IGLON5: variants seen among roughly 807,000 people sequenced by gnomAD.
IGLON5 encodes Ig-like domain-containing protein ENSP00000270642.
Under a neutral mutation model 38.2 loss-of-function variants are expected in IGLON5, and 16 were observed. The observed-to-expected ratio is 0.42, with a 90% CI of 0.28 to 0.64. The LOEUF is 0.64. IGLON5 is among the 30% of genes least tolerant of loss of function. IGLON5 has a pLI of 0.23. For missense variants in IGLON5, 366 were observed against 483.4 expected (o/e 0.76, Z 2.28); for synonymous variants, 207 against 216.4 (o/e 0.96, Z 0.38).
chr19:51,327,233 G>T lies in IGLON5; in HGVS notation c.767+33G>T, dbSNP rs748681590. On this transcript the variant is annotated intron_variant, in intron 6 of 7. Coordinates refer to ENST00000270642, the MANE Select transcript of IGLON5 (RefSeq NM_001101372.3). This position sits in a 1 kb window ranked among gnomAD's most constrained non-coding sequence, Gnocchi z 7.1. ...CAGCACTGAGGGGGCCGTGGGAGCG[G>T]GAAGGGGAGGTCTTTAGTCCCTTCG... 5.6e-6 allele frequency: 9 copies of T among 1,593,292 alleles called. No homozygotes were observed. The Admixed American group carries it at 6.8e-5, about 12-fold the overall frequency.
intron 1 of IGLON5, among the ~76,000 whole-genome samples, chr19:51,312,681 G>A (rs1455411672): frequency 6.6e-6 from 1 of 152,052 alleles, no homozygotes; most frequent in Admixed American, 6.5e-5. Flanking sequence ...GACAGTGGAA[G>A]AGCGATGGGC....
Position 51,328,798 on chromosome 19 carries a change from C to T in IGLON5, c.*39C>T. 1 of 1,442,984 alleles carries T rather than the reference C, an allele frequency of 6.9e-7. No individual in the cohort carries two copies. Among genetic ancestry groups the T allele is most frequent in the Non-Finnish European group, 9.5e-7 (1 of 1,057,884 alleles). The allele number at this position is 1,442,984 out of a possible 1,614,324, so 89.4% of individuals were successfully genotyped here. A position where few individuals can be genotyped will look rare whatever the true frequency, so the allele number is the denominator to read the frequency against. On this transcript the variant is annotated 3_prime_UTR_variant, in exon 8 of 8. Transcript: ENST00000270642. ...GAGCTCACCTCCCCCTGCAGGGGGC[C>T]TCAGGCCAAGAGTGAGAGAAACGGG...
chr19:51,318,273 A>G (rs958750287), intron 1 of IGLON5, among the ~76,000 whole-genome samples: 2 of 152,212 alleles, frequency 1.3e-5, no homozygotes, highest in Non-Finnish European at 2.9e-5. Context: ...GGCCAGGCCC[A>G]GTGTTGGGAG....
Position 51,324,960 on chromosome 19 carries a change from AAATAAT to A in IGLON5, c.392-380_392-375del, listed in dbSNP as rs938177009. Among the ~76,000 whole-genome samples the A allele has an allele frequency of 6.6e-6, 1 of 152,044 alleles. No homozygotes were observed. ...GGTATTTGTTAAATAAATTTATTTA[AAATAAT>A]AATAAATACAAATAGAGACGGGGAG... On this transcript the variant is annotated intron_variant, in intron 3 of 7. Coordinates refer to ENST00000270642, the MANE Select transcript of IGLON5 (RefSeq NM_001101372.3). The surrounding 1 kb of genome is among the most constrained non-coding windows in gnomAD (Gnocchi z 4.2).
At chr19:51,328,385 A>C (rs1485888191) in intron 7 of IGLON5, among the ~76,000 whole-genome samples, 1 of 151,022 alleles carries the variant, frequency 6.6e-6, no homozygotes, top group Non-Finnish European at 1.5e-5. Context: ...AGTGATGGGC[A>C]CCTGTGGTCC....
In IGLON5 at chr19:51,330,416, T is replaced by C. The variant is rs933018209; in HGVS notation, c.*1657T>C. 3 of 152,230 alleles carry C rather than the reference T, an allele frequency of 2.0e-5. No homozygotes were observed. In the East Asian group the frequency reaches 5.8e-4, roughly 29 times the overall value. 9.4% of individuals were successfully genotyped at this position (152,230 alleles called of 1,614,324 possible). ...GTTAATGAAGGGCAAAGGGTAGCAG[T>C]CAATTGGTGGTGCCTCTCCAGCATC... On this transcript the variant is annotated 3_prime_UTR_variant, in exon 8 of 8. Coordinates refer to ENST00000270642, the MANE Select transcript of IGLON5 (RefSeq NM_001101372.3).
At chr19:51,323,025 GTC>G (rs1288353103) in intron 2 of IGLON5, among the ~76,000 whole-genome samples, 2 of 145,434 alleles carry the variant, frequency 1.4e-5, no homozygotes, top group East Asian at 2.1e-4. Flanking sequence ...CTGTCTCTGG[GTC>G]TCTGTCCCCC....
intron 1 of IGLON5, among the ~76,000 whole-genome samples, chr19:51,315,435 C>G (rs575876611): frequency 6.6e-6 from 1 of 152,300 alleles, no homozygotes; most frequent in South Asian, 2.1e-4. Flanking sequence ...ATTCTAGACA[C>G]TGGATATATA....
rs1317535899 is a variant in IGLON5, at chr19:51,325,074, A to G, written c.392-272A>G. ...GAGACAAGACCAGCAATTAGACAAG[A>G]AGATGCCAGGCCCAGACAGAGGTTT... On this transcript the variant is annotated intron_variant, in intron 3 of 7. Coordinates refer to ENST00000270642, the MANE Select transcript of IGLON5 (RefSeq NM_001101372.3). This position sits in a 1 kb window ranked among gnomAD's most constrained non-coding sequence, Gnocchi z 5.5. 6.6e-6 allele frequency among the ~76,000 whole-genome samples: 1 copy of G among 152,122 alleles called. No individual in the cohort carries two copies. The highest frequency in any genetic ancestry group is 2.4e-5 in the African/African-American group (1 of 41,416).
intron 1 of IGLON5, among the ~76,000 whole-genome samples, chr19:51,320,207 C>A (rs1301250966): frequency 6.6e-6 from 1 of 152,156 alleles, no homozygotes; most frequent in African/African-American, 2.4e-5. Flanking sequence ...TGAGGGGGCC[C>A]AGGGTGAGGG....
At chr19:51,316,626 T>G (rs1984933497) in intron 1 of IGLON5, among the ~76,000 whole-genome samples, 1 of 151,672 alleles carries the variant, frequency 6.6e-6, no homozygotes, top group Non-Finnish European at 1.5e-5. Flanking sequence ...CCCAAGTAGC[T>G]GGGACTACAA....
chr19:51,321,229 G>A (rs1321750979), intron 1 of IGLON5, among the ~76,000 whole-genome samples: 2 of 152,144 alleles, frequency 1.3e-5, no homozygotes, highest in Non-Finnish European at 2.9e-5. Context: ...CCAGGCTGGA[G>A]TGCAATGGCG....
chr19:51,318,601 G>A (rs1984979448), intron 1 of IGLON5, among the ~76,000 whole-genome samples: 1 of 152,008 alleles, frequency 6.6e-6, no homozygotes, highest in Admixed American at 6.5e-5. Flanking sequence ...CAGGTGTGGT[G>A]GTGCATGCCA....
intron 2 of IGLON5, among the ~76,000 whole-genome samples, chr19:51,322,573 C>CCTCTCT (rs372781205): frequency 4.5e-5 from 6 of 133,412 alleles, no homozygotes; most frequent in South Asian, 2.6e-4. Context: ...TCTCTCCACG[C>CCTCTCT]CTCTCTCTCT....
Position 51,327,228 on chromosome 19 carries a change from G to T in IGLON5, c.767+28G>T. 1 of 1,595,808 alleles carries T rather than the reference G, an allele frequency of 6.3e-7. No homozygotes were observed. The highest frequency in any genetic ancestry group is 1.1e-5 in the South Asian group (1 of 90,508). On this transcript the variant is annotated intron_variant, in intron 6 of 7. Coordinates refer to ENST00000270642, the MANE Select transcript of IGLON5 (RefSeq NM_001101372.3). This position sits in a 1 kb window ranked among gnomAD's most constrained non-coding sequence, Gnocchi z 7.1. ...GAGGACAGCACTGAGGGGGCCGTGG[G>T]AGCGGGAAGGGGAGGTCTTTAGTCC...
rs750494718 is a variant in IGLON5, at chr19:51,326,837, C to T, written c.585C>T (p.Cys195=). The T allele has an allele frequency of 2.6e-6, 4 of 1,555,654 alleles. No individual in the cohort carries two copies. Among genetic ancestry groups the T allele is most frequent in the Non-Finnish European group, 3.5e-6 (4 of 1,149,582 alleles). Residue 195 remains cysteine, a synonymous_variant, in exon 5 of 8, where the codon TGC becomes TGT. Transcript: ENST00000270642. ...GGGGCCAGGCCGGGGAGTATGAGTG[C>T]GTGACTCACAACGGGGTTAACTCGG... ...IQRGQAGEYE[C]VTHNGVNSAP...
At chr19:51,314,574 C>T (rs573019814) in intron 1 of IGLON5, among the ~76,000 whole-genome samples, 85 of 152,138 alleles carry the variant, frequency 5.6e-4, no homozygotes, top group Non-Finnish European at 9.0e-4. Flanking sequence ...TGTGACCCTG[C>T]TCAAGTCTTT....
rs552298213 is a variant in IGLON5, at chr19:51,323,803, C to T, written c.300C>T (p.Thr100=). 1.4e-5 allele frequency: 23 copies of T among 1,613,712 alleles called. No homozygotes were observed. In the East Asian group the frequency reaches 3.1e-4, roughly 22 times the overall value. ...NTPEEFSILI[T]EVGLGDEGLY... ...CCGAGGAGTTCTCCATCCTCATCAC[C>T]GAGGTGGGGCTCGGCGACGAGGGCC... is the stretch of plus-strand genomic sequence containing the variant. The change falls in exon 3 of 8, where the codon ACC becomes ACT. Residue 100 remains threonine, a synonymous_variant. Transcript: ENST00000270642.
chr19:51,315,028 G>T (rs1264819496), intron 1 of IGLON5, among the ~76,000 whole-genome samples: 1 of 152,132 alleles, frequency 6.6e-6, no homozygotes, highest in Non-Finnish European at 1.5e-5. Flanking sequence ...CCATTTCTCT[G>T]CAATCGGCCT....
Sources: gnomAD v4.1 joint callset for allele counts (sites outside exome capture counted in the v4.1 genomes callset) on GRCh38, gnomAD v4.1.1 for gene constraint, Gnocchi (gnomAD v3.1) non-coding constraint, MANE v1.5 for transcripts, NCBI Gene and HGNC (gene_info 2026-07-23, HGNC 2026-07-21) for gene names.